Variants in EXOC2 observed in about 807,000 individuals in gnomAD.
EXOC2 encodes exocyst complex component 2.
Under a neutral mutation model 131.8 loss-of-function variants are expected in EXOC2, and 70 were observed. That is an observed-to-expected ratio of 0.53 (90% CI 0.44 to 0.65). The LOEUF (loss-of-function observed/expected upper bound fraction) is 0.65, where lower values mean the gene tolerates loss of function less well. Ranked by LOEUF, EXOC2 falls within the 30% of genes least tolerant of loss-of-function variation. EXOC2 has a pLI of 0.00. For missense variants in EXOC2, 923 were observed against 1,108.6 expected (o/e 0.83, Z 2.38); for synonymous variants, 411 against 398.4 (o/e 1.03, Z -0.38).
intron 1 of EXOC2, among the ~76,000 whole-genome samples, chr6:644,673 A>G (rs1383375951): frequency 6.6e-6 from 1 of 152,180 alleles, no homozygotes; most frequent in African/African-American, 2.4e-5. Flanking sequence ...TGGTCAATAT[A>G]TAAAAATCAG....
intron 1 of EXOC2, among the ~76,000 whole-genome samples, chr6:658,663 A>G (rs1408526897): frequency 1.4e-5 from 1 of 71,850 alleles, no homozygotes; most frequent in African/African-American, 4.3e-5. Flanking sequence ...ATATATATAT[A>G]TATTTTTTTT....
intron 2 of EXOC2, 82 bp from the exon 3 acceptor site, chr6:633,199 C>T (rs1761938803): frequency 7.0e-7 from 1 of 1,437,688 alleles, no homozygotes; most frequent in South Asian, 1.2e-5. Context: ...TTTTTTAAAT[C>T]TAGTCTTGTT....
intron 4 of EXOC2, among the ~76,000 whole-genome samples, chr6:622,826 C>A (rs1342336214): frequency 6.6e-6 from 1 of 152,232 alleles, no homozygotes; most frequent in Non-Finnish European, 1.5e-5. Flanking sequence ...ATTCTGTACT[C>A]CATTTTTAAA....
At chr6:615,249 C>T (rs1760934360) in intron 6 of EXOC2, among the ~76,000 whole-genome samples, 1 of 151,470 alleles carries the variant, frequency 6.6e-6, no homozygotes, top group South Asian at 2.1e-4. Context: ...ATCTGTCTCA[C>T]CTGTTCGTTC....
intron 23 of EXOC2, chr6:525,297 T>C (rs1374792890): frequency 2.0e-5 from 3 of 152,216 alleles, no homozygotes; most frequent in African/African-American, 7.2e-5. Context: ...TAAGCTAACT[T>C]TACTAGGTTT....
intron 23 of EXOC2, among the ~76,000 whole-genome samples, chr6:504,475 G>A (rs993406643): frequency 6.6e-6 from 1 of 152,226 alleles, no homozygotes; most frequent in Non-Finnish European, 1.5e-5. Context: ...CGGTGACAGA[G>A]GGGCCATGCT....
At position 497,459 on chromosome 6, in the gene EXOC2, G is replaced by A. The variant is rs1046581631; in HGVS notation, c.2467C>T (p.Arg823Trp). ...GCTTCTATCACCTTGGATAGTACCC[G>A]AGGGACCAGTTCTTTGGAAATGGTG... ...VFTISKELVPRVLSKVIEAVS... is the reference protein window; with the variant it reads ...VFTISKELVPWVLSKVIEAVS... Residue 823 changes from arginine to tryptophan, a missense_variant, in exon 25 of 28, where the codon CGG (arginine) becomes TGG (tryptophan). Arg to Trp is a moderately radical substitution (Grantham distance 101). Coordinates refer to ENST00000230449, the MANE Select transcript of EXOC2 (RefSeq NM_018303.6). The A allele has an allele frequency of 6.8e-6, 11 of 1,613,346 alleles. No individual in the cohort carries two copies. The highest frequency in any genetic ancestry group is 2.7e-5 in the African/African-American group (2 of 74,896).
At chr6:628,507 C>A (rs1391930905) in intron 4 of EXOC2, among the ~76,000 whole-genome samples, 3 of 152,092 alleles carry the variant, frequency 2.0e-5, no homozygotes, top group Non-Finnish European at 2.9e-5. Flanking sequence ...GGGTAAACAC[C>A]AAAACAGAAG....
chr6:656,500 T>C, intron 1 of EXOC2: 1 of 1,606,480 alleles, frequency 6.2e-7, no homozygotes, highest in East Asian at 2.2e-5. Context: ...GCGCGCAGGC[T>C]GGGCGGCAGG....
At chr6:570,172 C>T (rs846160) in intron 13 of EXOC2, among the ~76,000 whole-genome samples, 8,723 of 142,934 alleles carry the variant, frequency 0.061, 655 homozygotes, top group African/African-American at 0.18. Flanking sequence ...CTCGCGCTGT[C>T]GCCCAGGCTG....
intron 6 of EXOC2, among the ~76,000 whole-genome samples, chr6:613,199 C>A (rs1043638125): frequency 2.6e-5 from 4 of 152,118 alleles, no homozygotes; most frequent in African/African-American, 7.2e-5. Context: ...AGAAAAAAAA[C>A]TGTACTAAAC....
At chr6:680,035 T>TA (rs1764330103) in intron 1 of EXOC2, among the ~76,000 whole-genome samples, 1 of 151,212 alleles carries the variant, frequency 6.6e-6, no homozygotes, top group Non-Finnish European at 1.5e-5. Flanking sequence ...TTTTTTTTTT[T>TA]ATTTATTATG....
chr6:589,610 T>C (rs1481346980), intron 11 of EXOC2, among the ~76,000 whole-genome samples: 1 of 152,220 alleles, frequency 6.6e-6, no homozygotes, highest in African/African-American at 2.4e-5. Context: ...TTAGATGGTG[T>C]GTTTCTCCCT....
At chr6:496,462 G>A (rs138844353) in intron 25 of EXOC2, among the ~76,000 whole-genome samples, 98 of 152,284 alleles carry the variant, frequency 6.4e-4, no homozygotes, top group African/African-American at 2.3e-3. Context: ...TGGGCTGGCT[G>A]GAGTGGAGTC....
At chr6:650,932 T>A (rs901729628) in intron 1 of EXOC2, among the ~76,000 whole-genome samples, 1 of 152,200 alleles carries the variant, frequency 6.6e-6, no homozygotes, top group African/African-American at 2.4e-5. Flanking sequence ...GGAAAAAATT[T>A]GGAAGAGATG....
At chr6:624,294 T>C (rs898618603) in intron 4 of EXOC2, among the ~76,000 whole-genome samples, 1 of 152,232 alleles carries the variant, frequency 6.6e-6, no homozygotes, top group African/African-American at 2.4e-5. Flanking sequence ...GCACAGGCTC[T>C]GGGTTCAATC....
chr6:580,883 T>C (rs1291536756), intron 11 of EXOC2, among the ~76,000 whole-genome samples: 1 of 152,198 alleles, frequency 6.6e-6, no homozygotes, highest in Non-Finnish European at 1.5e-5. Context: ...TTTTGGACAC[T>C]GATCAGTGGT....
At chr6:544,093 A>G (rs374606200) in intron 22 of EXOC2, among the ~76,000 whole-genome samples, 3 of 152,328 alleles carry the variant, frequency 2.0e-5, no homozygotes, top group East Asian at 3.9e-4. Context: ...GCTTGGGTTC[A>G]AAGTTTTTGG....
chr6:507,084 G>A (rs1764580759), intron 23 of EXOC2, among the ~76,000 whole-genome samples: 1 of 128,188 alleles, frequency 7.8e-6, no homozygotes, highest in Admixed American at 8.2e-5. Context: ...ACACACAGCA[G>A]TGACTACATA....
Sources: gnomAD v4.1 joint callset for allele counts (sites outside exome capture counted in the v4.1 genomes callset) on GRCh38, gnomAD v4.1.1 for gene constraint, MANE v1.5 for transcripts, NCBI Gene and HGNC (gene_info 2026-07-23, HGNC 2026-07-21) for gene names.